Variants in NAA35 observed in about 807,000 individuals in gnomAD.
The protein encoded by NAA35 is MAK10 homolog, amino-acid N-acetyltransferase subunit.
In NAA35, 18 loss-of-function variants were observed where a neutral mutation model predicts 101.7. That is an observed-to-expected ratio of 0.18 (90% CI 0.12 to 0.26). The LOEUF is 0.26. Ranked by LOEUF, NAA35 falls within the 10% of genes least tolerant of loss-of-function variation. The probability of loss-of-function intolerance (pLI) is 1.00; values close to 1 mark genes in which losing one functional copy is unlikely to be tolerated. For synonymous variants in NAA35, 267 were observed against 273.1 expected, an observed-to-expected ratio of 0.98 and a Z score of 0.22; for missense variants, 601 against 886.8, an observed-to-expected ratio of 0.68 and a Z score of 4.09.
rs1409860617 is a variant in NAA35, at chr9:86,022,144, G to A, written c.*184G>A. The A allele has an allele frequency of 2.1e-5, 11 of 515,358 alleles. No individual in the cohort carries two copies. The highest frequency in any genetic ancestry group is 3.3e-4 in the Middle Eastern group (1 of 3,074). The allele number at this position is 515,358 out of a possible 1,614,324, so 31.9% of individuals were successfully genotyped here. A position where few individuals can be genotyped will look rare whatever the true frequency, so the allele number is the denominator to read the frequency against. On this transcript the variant is annotated 3_prime_UTR_variant, in exon 23 of 23. Transcript: ENST00000361671. The stretch of plus-strand genomic sequence containing the variant: ...TGAATGAAAACTGCTGTTTTAAAGT[G>A]GTTTATTATGTTCCATGGAAGAAAC...
chr9:85,975,201 A>G, intron 8 of NAA35, 44 bp downstream of exon 8: 3 of 1,579,348 alleles, frequency 1.9e-6, no homozygotes, highest in Non-Finnish European at 1.7e-6. Flanking sequence ...GTACACTTCT[A>G]AATGTCAGTT....
At chr9:85,985,191 A>G (rs1830596137) in intron 11 of NAA35, among the ~76,000 whole-genome samples, 2 of 152,230 alleles carry the variant, frequency 1.3e-5, no homozygotes, top group South Asian at 4.1e-4. Context: ...CTAATACAGT[A>G]CTGATTGGAA....
chr9:85,970,648 G>A (rs970652566), intron 6 of NAA35, among the ~76,000 whole-genome samples: 20 of 152,036 alleles, frequency 1.3e-4, no homozygotes, highest in Non-Finnish European at 1.8e-4. Context: ...ATTACTGAGG[G>A]ATATACTACA....
At chr9:86,007,615 C>T (rs73476921) in intron 14 of NAA35, 151 bp downstream of exon 14, 8,913 of 543,708 alleles carry the variant, frequency 0.016, 613 homozygotes, top group African/African-American at 0.15. Context: ...TTGATCTCTG[C>T]CACATTGTTT....
Position 85,945,771 on chromosome 9 carries a change from G to A in NAA35, c.124+3488G>A, listed in dbSNP as rs141790892. 5.4e-3 allele frequency among the ~76,000 whole-genome samples: 814 copies of A among 151,950 alleles called. 4 individuals carry two copies. Among genetic ancestry groups the A allele is most frequent in the African/African-American group, 0.018 (754 of 41,440 alleles). On this transcript the variant is annotated intron_variant, in intron 2 of 22. Transcript: ENST00000361671. The stretch of plus-strand genomic sequence containing the variant: ...CCTGACCTCGTGATCCATCCACCTC[G>A]GCCTCTCAAAGTGCTGGGATTACAG...
intron 11 of NAA35, among the ~76,000 whole-genome samples, chr9:85,990,848 G>T (rs548291968): frequency 3.3e-5 from 5 of 152,338 alleles, no homozygotes; most frequent in East Asian, 1.9e-4. Context: ...GCAGGGTGAG[G>T]CCTAGCATGG....
At chr9:85,988,538 G>A (rs529214947) in intron 11 of NAA35, among the ~76,000 whole-genome samples, 1 of 152,228 alleles carries the variant, frequency 6.6e-6, no homozygotes, top group Non-Finnish European at 1.5e-5. Flanking sequence ...GGTGGCTTAC[G>A]CCTGTAATCC....
intron 11 of NAA35, among the ~76,000 whole-genome samples, chr9:85,988,744 C>T (rs1459628071): frequency 1.3e-5 from 2 of 150,746 alleles, no homozygotes; most frequent in South Asian, 2.1e-4. Context: ...TGCAGTGAGC[C>T]GAGATCACGC....
At chr9:85,995,826 C>T (rs1051270261) in intron 11 of NAA35, among the ~76,000 whole-genome samples, 1 of 152,150 alleles carries the variant, frequency 6.6e-6, no homozygotes, top group Non-Finnish European at 1.5e-5. Context: ...AAGAGGAACT[C>T]ACTCTTAGGT....
chr9:85,955,343 TATATATATA>T (rs1829201887), intron 2 of NAA35, among the ~76,000 whole-genome samples: 1 of 68,864 alleles, frequency 1.5e-5, no homozygotes, highest in African/African-American at 7.5e-5. Context: ...TATATATATA[TATATATATA>T]TATATATATT....
intron 18 of NAA35, 76 bp downstream of exon 18, chr9:86,016,751 G>T (rs1021477735): frequency 1.2e-5 from 17 of 1,447,560 alleles, no homozygotes; most frequent in Non-Finnish European, 1.5e-5. Context: ...AGAGCTACTC[G>T]TGAGTTGGTC....
At position 86,007,380 on chromosome 9, in the gene NAA35, A is replaced by ATGTTGT. The variant is rs1831692610; in HGVS notation, c.1139_1140insTGTTGT (p.Lys380delinsAsnValVal). 6.2e-7 allele frequency: 1 copy of ATGTTGT among 1,613,632 alleles called. No individual in the cohort carries two copies. Among genetic ancestry groups the ATGTTGT allele is most frequent in the Non-Finnish European group, 8.5e-7 (1 of 1,179,728 alleles). On this transcript the variant is annotated protein_altering_variant, in exon 14 of 23. Transcript: ENST00000361671. ...AAGACCACTTTCCTGGTGGATAACA[A>ATGTTGT]AAAGGTCTTTGGAACTCATCTCATG...
At chr9:85,947,428 A>T (rs1828820238) in intron 2 of NAA35, among the ~76,000 whole-genome samples, 1 of 152,210 alleles carries the variant, frequency 6.6e-6, no homozygotes, top group African/African-American at 2.4e-5. Flanking sequence ...GGATGAATGG[A>T]TGGAAATTGT....
chr9:85,942,830 A>G (rs1336095624), intron 2 of NAA35, among the ~76,000 whole-genome samples: 1 of 152,050 alleles, frequency 6.6e-6, no homozygotes, highest in Non-Finnish European at 1.5e-5. Context: ...AGGTGTTTGC[A>G]TTTTTTGTTT....
intron 15 of NAA35, 99 bp from the exon 16 acceptor site, chr9:86,012,947 T>G: frequency 1.4e-6 from 1 of 710,204 alleles, no homozygotes; most frequent in Non-Finnish European, 2.1e-6. Context: ...ATACACAGCA[T>G]TTTTTTCCCT....
intron 11 of NAA35, among the ~76,000 whole-genome samples, chr9:85,982,833 AG>A (rs1427294644): frequency 1.3e-5 from 2 of 152,234 alleles, no homozygotes; most frequent in Admixed American, 6.5e-5. Context: ...CAGGGAAAGG[AG>A]AAAATAGCAA....
At chr9:85,946,973 TCTC>T (rs1177417252) in intron 2 of NAA35, among the ~76,000 whole-genome samples, 1 of 152,184 alleles carries the variant, frequency 6.6e-6, no homozygotes, top group Non-Finnish European at 1.5e-5. Context: ...TTTTCTATCT[TCTC>T]TCACCCAGAA....
chr9:85,986,871 G>A (rs377636746), intron 11 of NAA35: 2 of 180,498 alleles, frequency 1.1e-5, no homozygotes, highest in African/African-American at 2.4e-5. Flanking sequence ...GATTACAGGC[G>A]TGAGCCACTG....
chr9:85,949,848 A>G (rs1312162380), intron 2 of NAA35, among the ~76,000 whole-genome samples: 1 of 151,376 alleles, frequency 6.6e-6, no homozygotes, highest in Admixed American at 6.6e-5. Flanking sequence ...CTGTTAGTTC[A>G]GTTGTTTGGT....
Sources: gnomAD v4.1 joint callset for allele counts (sites outside exome capture counted in the v4.1 genomes callset) on GRCh38, gnomAD v4.1.1 for gene constraint, MANE v1.5 for transcripts, NCBI Gene and HGNC (gene_info 2026-07-23, HGNC 2026-07-21) for gene names.